Variants in GRID1 observed in about 807,000 individuals in gnomAD.
GRID1 encodes glutamate receptor ionotropic, delta-1.
A neutral mutation model predicts 98.0 loss-of-function variants in GRID1; 28 were observed. The observed-to-expected ratio is 0.29, with a 90% confidence interval of 0.21 to 0.39. The LOEUF is 0.39. Ranked by LOEUF, GRID1 falls within the 10% of genes least tolerant of loss-of-function variation. GRID1 has a pLI of 1.00. For missense variants in GRID1, 1,111 were observed against 1,340.5 expected (o/e 0.83, Z 2.67); for synonymous variants, 553 against 538.5 (o/e 1.03, Z -0.37).
intron 4 of GRID1, among the ~76,000 whole-genome samples, chr10:86,091,487 C>T (rs535547385): frequency 6.6e-6 from 1 of 152,112 alleles, no homozygotes; most frequent in South Asian, 2.1e-4. Flanking sequence ...CAAGACTGGC[C>T]CAAGGAGAGT....
intron 4 of GRID1, among the ~76,000 whole-genome samples, chr10:86,100,274 C>G: frequency 6.6e-6 from 1 of 152,162 alleles, no homozygotes; most frequent in Admixed American, 6.5e-5. Flanking sequence ...CTCCAATTAC[C>G]GAGCACTTCT....
intron 3 of GRID1, among the ~76,000 whole-genome samples, chr10:86,185,497 G>A (rs1265203768): frequency 6.6e-6 from 1 of 152,016 alleles, no homozygotes; most frequent in African/African-American, 2.4e-5. Flanking sequence ...TAAAACCTCA[G>A]CTACAGCACT....
At chr10:86,345,214 A>G (rs1371330211) in intron 2 of GRID1, among the ~76,000 whole-genome samples, 1 of 152,200 alleles carries the variant, frequency 6.6e-6, no homozygotes, top group Non-Finnish European at 1.5e-5. Context: ...GAGCTGCCAT[A>G]TGTTATGAAA....
intron 8 of GRID1, among the ~76,000 whole-genome samples, chr10:85,788,675 T>G (rs1038646763): frequency 2.6e-5 from 4 of 152,260 alleles, no homozygotes; most frequent in East Asian, 3.8e-4. Flanking sequence ...GTTAGGAAAG[T>G]CTTGCACTGT....
At chr10:86,172,601 T>C (rs1254886476) in intron 3 of GRID1, among the ~76,000 whole-genome samples, 1 of 152,210 alleles carries the variant, frequency 6.6e-6, no homozygotes, top group African/African-American at 2.4e-5. Context: ...ATTATATGCA[T>C]GTAATTTTGC....
Position 85,893,357 on chromosome 10 carries a change from A to G in GRID1, c.780+22829T>C, listed in dbSNP as rs117525829. 1.3e-4 allele frequency among the ~76,000 whole-genome samples: 20 copies of G among 152,260 alleles called. No individual in the cohort carries two copies. The East Asian group carries it at 3.5e-3, about 26-fold the overall frequency. ...TATCCGCTACTATTACTTCTACTCA[A>G]CATTGTGCTGGAGGTTCTAGTCAGG... On this transcript the variant is annotated intron_variant, in intron 5 of 15. Coordinates refer to ENST00000327946, the MANE Select transcript of GRID1 (RefSeq NM_017551.3).
At chr10:85,881,404 T>C (rs949468961) in intron 5 of GRID1, among the ~76,000 whole-genome samples, 25 of 152,180 alleles carry the variant, frequency 1.6e-4, no homozygotes, top group Non-Finnish European at 3.2e-4. Flanking sequence ...CAAAACAGCA[T>C]GGTACTGGTA....
chr10:85,722,217 T>A (rs566088161), intron 12 of GRID1, among the ~76,000 whole-genome samples: 2 of 152,180 alleles, frequency 1.3e-5, no homozygotes, highest in East Asian at 3.9e-4. Context: ...ACAGTGAGTG[T>A]GATGAATTAA....
intron 2 of GRID1, among the ~76,000 whole-genome samples, chr10:86,309,556 A>G (rs947031134): frequency 1.3e-5 from 2 of 152,188 alleles, no homozygotes; most frequent in Non-Finnish European, 2.9e-5. Context: ...AGAAGTCCAC[A>G]TGGCCTTCTC....
At chr10:86,063,764 A>C (rs904587348) in intron 4 of GRID1, among the ~76,000 whole-genome samples, 1 of 152,248 alleles carries the variant, frequency 6.6e-6, no homozygotes, top group African/African-American at 2.4e-5. Flanking sequence ...TAAAGGATAC[A>C]TGGAACTTTG....
intron 2 of GRID1, among the ~76,000 whole-genome samples, chr10:86,233,092 T>C (rs1208380601): frequency 6.6e-6 from 1 of 151,838 alleles, no homozygotes; most frequent in Non-Finnish European, 1.5e-5. Context: ...GAACGGGATG[T>C]CTATGGCAGA....
intron 8 of GRID1, among the ~76,000 whole-genome samples, chr10:85,795,067 A>T (rs1842514205): frequency 6.6e-6 from 1 of 152,216 alleles, no homozygotes; most frequent in South Asian, 2.1e-4. Flanking sequence ...TCCCACTGTA[A>T]ATATTAGGAA....
At chr10:86,257,545 A>G (rs980075712) in intron 2 of GRID1, among the ~76,000 whole-genome samples, 1 of 152,216 alleles carries the variant, frequency 6.6e-6, no homozygotes, top group Non-Finnish European at 1.5e-5. Context: ...ATATAAGCCA[A>G]CAGACTGATG....
chr10:86,296,870 A>G (rs73338212), intron 2 of GRID1, among the ~76,000 whole-genome samples: 9,669 of 152,228 alleles, frequency 0.064, 980 homozygotes, highest in African/African-American at 0.22. Flanking sequence ...ACAGGCAAAA[A>G]TACTTTTAGA....
intron 5 of GRID1, among the ~76,000 whole-genome samples, chr10:85,885,832 A>C (rs1841109773): frequency 6.6e-6 from 1 of 152,262 alleles, no homozygotes; most frequent in Non-Finnish European, 1.5e-5. Flanking sequence ...GTGATAAATA[A>C]ATACATTTAT....
chr10:85,793,879 C>T (rs138741756), intron 8 of GRID1, among the ~76,000 whole-genome samples: 1 of 151,820 alleles, frequency 6.6e-6, no homozygotes, highest in East Asian at 1.9e-4. Context: ...CCAGGAATGA[C>T]AACAAGAACA....
intron 8 of GRID1, among the ~76,000 whole-genome samples, chr10:85,848,405 A>T (rs1162171083): frequency 6.6e-6 from 1 of 152,196 alleles, no homozygotes; most frequent in Non-Finnish European, 1.5e-5. Context: ...TCAGATAGGA[A>T]GATGAAATAA....
chr10:86,348,777 G>T (rs574603576), intron 2 of GRID1, among the ~76,000 whole-genome samples: 1 of 152,258 alleles, frequency 6.6e-6, no homozygotes. Context: ...CACCAGTGCC[G>T]ATCAGTGCGT....
chr10:86,089,990 A>G (rs1037288850), intron 4 of GRID1, among the ~76,000 whole-genome samples: 8 of 152,084 alleles, frequency 5.3e-5, no homozygotes, highest in African/African-American at 1.9e-4. Context: ...CAGGTGATCC[A>G]CCTGCCTTGG....
Sources: allele counts gnomAD v4.1 joint callset (sites outside exome capture counted in the v4.1 genomes callset), GRCh38; gene constraint gnomAD v4.1.1; transcripts MANE v1.5; gene names NCBI Gene and HGNC (gene_info 2026-07-23, HGNC 2026-07-21).